MACROD2: variants seen among roughly 807,000 people sequenced by gnomAD.
MACROD2 encodes ADP-ribose glycohydrolase MACROD2.
In MACROD2, 36 loss-of-function variants were observed where a neutral mutation model predicts 70.4. The ratio of observed to expected loss-of-function variants is 0.51; its 90% CI spans 0.39 to 0.68. MACROD2 has a LOEUF of 0.68. Ranked by LOEUF, MACROD2 falls within the 30% of genes least tolerant of loss-of-function variation. The pLI is 0.00. For synonymous variants in MACROD2, 172 were observed against 178.8 expected, an observed-to-expected ratio of 0.96 and a Z score of 0.30; for missense variants, 496 against 538.4, an observed-to-expected ratio of 0.92 and a Z score of 0.78.
At chr20:15,179,508 G>A (rs908554870) in intron 5 of MACROD2, among the ~76,000 whole-genome samples, 1 of 152,108 alleles carries the variant, frequency 6.6e-6, no homozygotes, top group Non-Finnish European at 1.5e-5. Flanking sequence ...TAAAAAGGTG[G>A]CATCTGGGTG....
At chr20:15,799,203 G>T (rs1329453461) in intron 8 of MACROD2, among the ~76,000 whole-genome samples, 1 of 152,088 alleles carries the variant, frequency 6.6e-6, no homozygotes, top group Admixed American at 6.6e-5. Flanking sequence ...TATAATAATT[G>T]TACATATTTA....
intron 5 of MACROD2, among the ~76,000 whole-genome samples, chr20:15,152,103 T>C (rs568871187): frequency 2.2e-4 from 33 of 152,076 alleles, no homozygotes; most frequent in Non-Finnish European, 3.5e-4. Flanking sequence ...TTTGTCCATT[T>C]TACGACAAGA....
At chr20:15,041,462 T>A (rs1023656345) in intron 5 of MACROD2, among the ~76,000 whole-genome samples, 6 of 152,122 alleles carry the variant, frequency 3.9e-5, no homozygotes, top group Non-Finnish European at 8.8e-5. Flanking sequence ...TCTTACTTTT[T>A]TGAGACAGGG....
intron 6 of MACROD2, among the ~76,000 whole-genome samples, chr20:15,430,352 T>C (rs1238576669): frequency 1.3e-5 from 2 of 152,230 alleles, no homozygotes; most frequent in African/African-American, 4.8e-5. Context: ...CTTTAGTTCT[T>C]TGAGAAATCT....
At chr20:14,871,774 C>G (rs556381967) in intron 5 of MACROD2, among the ~76,000 whole-genome samples, 2 of 152,134 alleles carry the variant, frequency 1.3e-5, no homozygotes, top group East Asian at 3.9e-4. Context: ...CTTCAAGAGA[C>G]CCATCTCACA....
intron 6 of MACROD2, among the ~76,000 whole-genome samples, chr20:15,350,814 G>A (rs1600277807): frequency 6.6e-6 from 1 of 152,190 alleles, no homozygotes; most frequent in Non-Finnish European, 1.5e-5. Context: ...AAAAATTAAT[G>A]TGTATAATAG....
intron 2 of MACROD2, among the ~76,000 whole-genome samples, chr20:14,054,253 C>G (rs2053607229): frequency 6.6e-6 from 1 of 151,368 alleles, no homozygotes; most frequent in Non-Finnish European, 1.5e-5. Flanking sequence ...ACTGGGGAAA[C>G]TTGTAGAGTG....
chr20:15,784,839 A>G (rs985415457), intron 8 of MACROD2, among the ~76,000 whole-genome samples: 8 of 152,204 alleles, frequency 5.3e-5, no homozygotes, highest in African/African-American at 1.9e-4. Flanking sequence ...ATGATTACTT[A>G]TTATTTTCTA....
intron 12 of MACROD2, among the ~76,000 whole-genome samples, chr20:15,945,304 G>A (rs774790676): frequency 6.6e-6 from 1 of 152,126 alleles, no homozygotes; most frequent in Non-Finnish European, 1.5e-5. Flanking sequence ...GCTACAGGCA[G>A]CCAAACTTGG....
intron 12 of MACROD2, 149 bp from the exon 13 acceptor site, chr20:15,967,404 T>A: frequency 1.7e-6 from 1 of 590,068 alleles, no homozygotes; most frequent in Middle Eastern, 3.4e-4. Flanking sequence ...AAGCGCCTAT[T>A]TATTGGCAAA....
intron 5 of MACROD2, among the ~76,000 whole-genome samples, chr20:15,080,916 T>A (rs529680332): frequency 6.6e-6 from 1 of 152,240 alleles, no homozygotes; most frequent in Non-Finnish European, 1.5e-5. Context: ...TCCCTCTCTC[T>A]TGCTGTCTTA....
At chr20:14,776,026 C>T (rs2072229318) in intron 5 of MACROD2, among the ~76,000 whole-genome samples, 1 of 152,008 alleles carries the variant, frequency 6.6e-6, no homozygotes, top group Non-Finnish European at 1.5e-5. Flanking sequence ...ATGCTAGGCT[C>T]AGTAGAACTG....
intron 3 of MACROD2, among the ~76,000 whole-genome samples, chr20:14,267,990 T>G (rs2082157785): frequency 6.6e-6 from 1 of 152,074 alleles, no homozygotes; most frequent in South Asian, 2.1e-4. Context: ...CTCAAACACA[T>G]TTTGATGAAC....
intron 5 of MACROD2, among the ~76,000 whole-genome samples, chr20:14,967,492 T>G (rs1200914038): frequency 8.9e-6 from 1 of 112,428 alleles, no homozygotes; most frequent in African/African-American, 3.4e-5. Context: ...TTTGTTTTTG[T>G]TTTTTTTGAA....
intron 8 of MACROD2, among the ~76,000 whole-genome samples, chr20:15,640,830 G>A (rs2049448787): frequency 6.6e-6 from 1 of 152,132 alleles, no homozygotes. Context: ...AACAGACCCG[G>A]GTGGGCTATC....
chr20:15,346,107 ATTT>A (rs11477138), intron 6 of MACROD2, among the ~76,000 whole-genome samples: 32 of 140,560 alleles, frequency 2.3e-4, no homozygotes, highest in East Asian at 6.1e-4. Context: ...TAAGGTAAAA[ATTT>A]TTTTTTTTTT....
At chr20:15,939,162 A>T (rs1325795602) in intron 12 of MACROD2, among the ~76,000 whole-genome samples, 2 of 152,226 alleles carry the variant, frequency 1.3e-5, no homozygotes, top group African/African-American at 4.8e-5. Context: ...TATCAAGAAG[A>T]TCTAGCTAAA....
At chr20:15,498,530 G>A (rs778146503) in intron 7 of MACROD2, among the ~76,000 whole-genome samples, 5 of 152,130 alleles carry the variant, frequency 3.3e-5, no homozygotes, top group Non-Finnish European at 7.4e-5. Flanking sequence ...AATGAATGCC[G>A]CTAGAAAGAA....
intron 5 of MACROD2, among the ~76,000 whole-genome samples, chr20:14,956,641 A>G (rs2074539458): frequency 6.6e-6 from 1 of 152,206 alleles, no homozygotes; most frequent in Admixed American, 6.5e-5. Context: ...GGACATAACC[A>G]TGTTAATTAT....
Sources: gnomAD v4.1 joint callset for allele counts (sites outside exome capture counted in the v4.1 genomes callset) on GRCh38, gnomAD v4.1.1 for gene constraint, MANE v1.5 for transcripts, NCBI Gene and HGNC (gene_info 2026-07-23, HGNC 2026-07-21) for gene names.